The following FARS2 variants were observed in gnomAD, a reference collection of about 807,000 sequenced individuals.
FARS2 encodes the protein phenylalanine--tRNA ligase, mitochondrial.
FARS2 carries 40 observed loss-of-function variants against 46.4 expected under a neutral mutation model. That is an observed-to-expected ratio of 0.86 (90% CI 0.67 to 1.12). The LOEUF is 1.12. Among genes scored for constraint, FARS2 ranks in the 50% most tolerant of loss-of-function variants. FARS2 has a pLI of 0.00. For synonymous variants in FARS2, 234 were observed against 214.9 expected (o/e 1.09, Z -0.78); for missense variants, 513 against 567.9 (o/e 0.90, Z 0.98).
chr6:5,729,828 C>T (rs780543460), intron 6 of FARS2, among the ~76,000 whole-genome samples: 2 of 152,230 alleles, frequency 1.3e-5, no homozygotes, highest in Non-Finnish European at 2.9e-5. Flanking sequence ...AAACACCTAC[C>T]TGTTTCCTAA....
At chr6:5,358,729 G>A (rs1758098330) in intron 1 of FARS2, among the ~76,000 whole-genome samples, 1 of 152,018 alleles carries the variant, frequency 6.6e-6, no homozygotes, top group East Asian at 1.9e-4. Context: ...CAGTGTCTTT[G>A]GTCTGTAGTC....
chr6:5,261,987 C>G (rs2773321), intron 1 of FARS2, among the ~76,000 whole-genome samples: 53,772 of 151,820 alleles, frequency 0.35, 11,429 homozygotes, highest in African/African-American at 0.6. Context: ...TTGAGCATGG[C>G]ACTGGACGCA....
rs58922507 is a variant in FARS2 at position 5,717,908 on chromosome 6, CTATA to C, written c.1218-53358_1218-53355del. Among the ~76,000 whole-genome samples, 588 of 77,638 alleles carry C rather than the reference CTATA, an allele frequency of 7.6e-3. 15 individuals are homozygous for C. Among genetic ancestry groups the C allele is most frequent in the African/African-American group, 0.021 (502 of 24,056 alleles). The allele number at this position is 77,638 out of a possible 152,430, so 50.9% of individuals were successfully genotyped here. ...AGGCATGAAAATGAGAAGGTATCAG[CTATA>C]TATATATATATATATATATATATAC... On this transcript the variant is annotated intron_variant, in intron 6 of 6. Transcript: ENST00000274680.
At chr6:5,740,504 T>C (rs1761263247) in intron 6 of FARS2, among the ~76,000 whole-genome samples, 2 of 152,030 alleles carry the variant, frequency 1.3e-5, no homozygotes, top group African/African-American at 4.8e-5. Context: ...GTAAGGGTTT[T>C]TTTTTTTTCA....
At chr6:5,536,142 T>C (rs1385563509) in intron 4 of FARS2, among the ~76,000 whole-genome samples, 1 of 150,988 alleles carries the variant, frequency 6.6e-6, no homozygotes, top group Non-Finnish European at 1.5e-5. Context: ...AGCTCCACCT[T>C]CCGGGTTCAC....
chr6:5,551,698 T>C (rs1422187678), intron 5 of FARS2, among the ~76,000 whole-genome samples: 1 of 152,204 alleles, frequency 6.6e-6, no homozygotes. Flanking sequence ...TGGCCTAAAG[T>C]AAAGGTGTCA....
At chr6:5,763,959 CA>C (rs1027811457) in intron 6 of FARS2, among the ~76,000 whole-genome samples, 4 of 151,964 alleles carry the variant, frequency 2.6e-5, no homozygotes, top group African/African-American at 9.7e-5. Flanking sequence ...AGTCAGAGTC[CA>C]AACTCTGAGG....
intron 2 of FARS2, among the ~76,000 whole-genome samples, chr6:5,378,832 T>C (rs1759559787): frequency 6.6e-6 from 1 of 152,266 alleles, no homozygotes; most frequent in Admixed American, 6.5e-5. Context: ...TACGTAGTCC[T>C]CTGTCTTGAC....
chr6:5,694,814 C>A (rs1378589924), intron 6 of FARS2: 7 of 132,028 alleles, frequency 5.3e-5, no homozygotes, highest in African/African-American at 2.0e-4. Flanking sequence ...ATCAGCCTGG[C>A]AACATAGTGA....
At chr6:5,707,114 T>C (rs570535415) in intron 6 of FARS2, among the ~76,000 whole-genome samples, 6 of 152,228 alleles carry the variant, frequency 3.9e-5, no homozygotes, top group Admixed American at 6.5e-5. Context: ...AGAGACCTGT[T>C]GGATATCATC....
intron 6 of FARS2, among the ~76,000 whole-genome samples, chr6:5,635,633 C>T (rs767530311): frequency 2.0e-5 from 3 of 152,084 alleles, no homozygotes; most frequent in Non-Finnish European, 2.9e-5. Flanking sequence ...AAGGACGCCC[C>T]ATGTAGAAAA....
chr6:5,415,639 T>C (rs1762197199), intron 3 of FARS2, among the ~76,000 whole-genome samples: 1 of 152,204 alleles, frequency 6.6e-6, no homozygotes, highest in Admixed American at 6.5e-5. Context: ...TCTTAGTTGA[T>C]AATGATGCTG....
intron 5 of FARS2, among the ~76,000 whole-genome samples, chr6:5,589,967 G>T (rs1773822573): frequency 1.3e-5 from 2 of 152,174 alleles, no homozygotes; most frequent in Non-Finnish European, 2.9e-5. Context: ...ACCCTGCATA[G>T]CTATGAGACT....
chr6:5,326,305 A>T (rs1195983354), intron 1 of FARS2, among the ~76,000 whole-genome samples: 1 of 152,230 alleles, frequency 6.6e-6, no homozygotes, highest in Non-Finnish European at 1.5e-5. Flanking sequence ...AGTGACTGAA[A>T]GGACATTTCT....
chr6:5,476,681 C>A (rs565533636), intron 4 of FARS2, among the ~76,000 whole-genome samples: 16 of 152,152 alleles, frequency 1.1e-4, no homozygotes, highest in African/African-American at 3.9e-4. Context: ...CGTTGCCATG[C>A]CGAGGAGTTC....
chr6:5,388,903 C>G (rs1305915915), intron 2 of FARS2, among the ~76,000 whole-genome samples: 1 of 152,024 alleles, frequency 6.6e-6, no homozygotes, highest in East Asian at 1.9e-4. Context: ...ATTTCAAAAT[C>G]CTTTTAAAAA....
chr6:5,487,524 C>T (rs1187085616), intron 4 of FARS2, among the ~76,000 whole-genome samples: 1 of 152,266 alleles, frequency 6.6e-6, no homozygotes, highest in African/African-American at 2.4e-5. Flanking sequence ...TTGGCACTAT[C>T]GTTGCTATTC....
chr6:5,258,387 T>C (rs759674930), upstream of FARS2, among the ~76,000 whole-genome samples: 1 of 152,242 alleles, frequency 6.6e-6, no homozygotes, highest in Non-Finnish European at 1.5e-5. Context: ...TGTGCCTCAG[T>C]TGCCTTACAG....
At chr6:5,432,511 C>G (rs1763279712) in intron 4 of FARS2, among the ~76,000 whole-genome samples, 1 of 86,526 alleles carries the variant, frequency 1.2e-5, no homozygotes, top group African/African-American at 5.5e-5. Context: ...TTTTTATATC[C>G]CAATCATATA....
Sources: gnomAD v4.1 joint callset for allele counts (sites outside exome capture counted in the v4.1 genomes callset) on GRCh38, gnomAD v4.1.1 for gene constraint, MANE v1.5 for transcripts, NCBI Gene and HGNC (gene_info 2026-07-23, HGNC 2026-07-21) for gene names.